Variants in STPG2 observed in about 807,000 individuals in gnomAD.
The protein encoded by STPG2 is sperm-tail PG-rich repeat-containing protein 2.
In STPG2, 56 loss-of-function variants were observed where a neutral mutation model predicts 54.2. The observed-to-expected ratio is 1.03, with a 90% CI of 0.83 to 1.29. STPG2 has a LOEUF of 1.29. Ranked by LOEUF, STPG2 falls within the 50% of genes most tolerant of loss-of-function variation. The pLI, the probability that STPG2 is intolerant of heterozygous loss-of-function variation, is 0.00. For missense variants in STPG2, 596 were observed against 544.9 expected, an observed-to-expected ratio of 1.09 and a Z score of -0.93; for synonymous variants, 200 against 181.8, an observed-to-expected ratio of 1.10 and a Z score of -0.81.
intron 7 of STPG2, among the ~76,000 whole-genome samples, chr4:97,963,301 A>G (rs1165715294): frequency 6.6e-6 from 1 of 152,192 alleles, no homozygotes; most frequent in African/African-American, 2.4e-5. Context: ...TTCATGATGG[A>G]TTTAAAATAT....
intron 4 of STPG2, among the ~76,000 whole-genome samples, chr4:97,487,467 G>A (rs1028087621): frequency 2.6e-5 from 4 of 151,314 alleles, no homozygotes; most frequent in African/African-American, 9.7e-5. Flanking sequence ...ATTCTTTGAT[G>A]ATATTTATGT....
intron 10 of STPG2, among the ~76,000 whole-genome samples, chr4:97,601,924 T>C (rs56203230): frequency 0.14 from 20,727 of 151,884 alleles, 4,118 homozygotes; most frequent in African/African-American, 0.44. Flanking sequence ...TGGCACATTT[T>C]TCCATTTATT....
intron 5 of STPG2, among the ~76,000 whole-genome samples, chr4:98,044,760 T>G (rs182075289): frequency 6.6e-5 from 10 of 152,234 alleles, no homozygotes; most frequent in Admixed American, 2.0e-4. Flanking sequence ...TTCACACTGG[T>G]TAATCTTTTT....
intron 10 of STPG2, among the ~76,000 whole-genome samples, chr4:97,686,800 C>T (rs958351711): frequency 6.6e-6 from 1 of 152,006 alleles, no homozygotes; most frequent in Admixed American, 6.5e-5. Context: ...ATCCATTGCA[C>T]TTAGTGTTAT....
chr4:97,855,025 A>G (rs1729289773), intron 8 of STPG2, among the ~76,000 whole-genome samples: 1 of 152,160 alleles, frequency 6.6e-6, no homozygotes, highest in South Asian at 2.1e-4. Flanking sequence ...TTCTAGGGGT[A>G]GATTGCTGAA....
At chr4:97,473,897 G>A (rs1730007215) in intron 4 of STPG2, among the ~76,000 whole-genome samples, 1 of 152,174 alleles carries the variant, frequency 6.6e-6, no homozygotes, top group South Asian at 2.1e-4. Context: ...AATTTTGCCT[G>A]ATATCTGGCT....
At chr4:97,510,137 C>T (rs1730941549) in intron 4 of STPG2, among the ~76,000 whole-genome samples, 2 of 152,062 alleles carry the variant, frequency 1.3e-5, no homozygotes, top group African/African-American at 4.8e-5. Flanking sequence ...ATTATCTACA[C>T]ACTAGCACAC....
intron 7 of STPG2, among the ~76,000 whole-genome samples, chr4:97,949,101 G>A (rs1232977270): frequency 6.6e-6 from 1 of 152,142 alleles, no homozygotes; most frequent in South Asian, 2.1e-4. Context: ...CCAGGGATAA[G>A]TGCTTATACA....
In STPG2 at chr4:97,994,937, C is replaced by T. The variant is rs150130112; in HGVS notation, c.613-13619G>A. ...ATCATCAGGTTGGGGCAGAGTTAGG[C>T]GTGTCTGAGCTCAGCCTCTCCTTGG... On this transcript the variant is annotated intron_variant, in intron 5 of 10. Transcript: ENST00000295268. Among the ~76,000 whole-genome samples the T allele has an allele frequency of 1.6e-4, 24 of 152,136 alleles. No homozygotes were observed. The East Asian group carries it at 3.3e-3, about 21-fold the overall frequency.
intron 10 of STPG2, among the ~76,000 whole-genome samples, chr4:97,600,820 A>G (rs1733439220): frequency 6.6e-6 from 1 of 152,132 alleles, no homozygotes; most frequent in Non-Finnish European, 1.5e-5. Context: ...GAGTAACAGA[A>G]AGTCAGTCAG....
chr4:97,488,535 T>C (rs367921999), intron 4 of STPG2, among the ~76,000 whole-genome samples: 17 of 151,844 alleles, frequency 1.1e-4, no homozygotes, highest in African/African-American at 4.1e-4. Context: ...GAAATTTATG[T>C]CTCACTCAAA....
At chr4:97,798,116 A>G (rs901125413) in intron 9 of STPG2, among the ~76,000 whole-genome samples, 2 of 151,988 alleles carry the variant, frequency 1.3e-5, no homozygotes, top group Admixed American at 1.3e-4. Flanking sequence ...AATTTTCTTG[A>G]TCTTTTCAAA....
intron 10 of STPG2, among the ~76,000 whole-genome samples, chr4:97,664,407 C>T (rs1044345101): frequency 3.9e-5 from 6 of 152,178 alleles, no homozygotes; most frequent in Non-Finnish European, 8.8e-5. Flanking sequence ...AGGCACTTCA[C>T]GTACTTTCTC....
At chr4:97,450,052 T>C (rs1729325538) in intron 4 of STPG2, among the ~76,000 whole-genome samples, 1 of 152,178 alleles carries the variant, frequency 6.6e-6, no homozygotes, top group Non-Finnish European at 1.5e-5. Flanking sequence ...TGGAACTGAA[T>C]AAAGTTTGTG....
chr4:97,797,330 T>A (rs565118407), intron 9 of STPG2, among the ~76,000 whole-genome samples: 2 of 152,346 alleles, frequency 1.3e-5, no homozygotes, highest in East Asian at 1.9e-4. Context: ...GGGTTTGTCA[T>A]AAATAGCTCT....
chr4:98,064,446 A>G (rs1737760546), intron 5 of STPG2, among the ~76,000 whole-genome samples: 1 of 152,200 alleles, frequency 6.6e-6, no homozygotes, highest in Non-Finnish European at 1.5e-5. Flanking sequence ...TCATACATCA[A>G]CCTGAAACCT....
intron 4 of STPG2, among the ~76,000 whole-genome samples, chr4:97,537,185 C>A (rs566813697): frequency 2.0e-5 from 3 of 152,062 alleles, no homozygotes; most frequent in African/African-American, 7.2e-5. Flanking sequence ...TGGGACCTGT[C>A]GGACAGTGGG....
At chr4:98,143,013 C>A in intron 1 of STPG2, 29 bp downstream of exon 1, 1 of 1,584,426 alleles carries the variant, frequency 6.3e-7, no homozygotes. Flanking sequence ...ATGCCTGTCA[C>A]AGGAGCTCTG....
chr4:98,079,933 T>C (rs912259249), intron 5 of STPG2, among the ~76,000 whole-genome samples: 5 of 152,120 alleles, frequency 3.3e-5, no homozygotes, highest in Admixed American at 3.3e-4. Context: ...ATATATCTAT[T>C]AAAAATTTAT....
Sources: allele counts gnomAD v4.1 joint callset (sites outside exome capture counted in the v4.1 genomes callset), GRCh38; gene constraint gnomAD v4.1.1; transcripts MANE v1.5; gene names NCBI Gene and HGNC (gene_info 2026-07-23, HGNC 2026-07-21).